The following CLYBL variants were observed in gnomAD, a reference collection of about 807,000 sequenced individuals.
CLYBL encodes citramalyl-CoA lyase.
In CLYBL, 31 loss-of-function variants were observed where a neutral mutation model predicts 38.9. The ratio of observed to expected loss-of-function variants is 0.80; its 90% CI spans 0.60 to 1.08. The LOEUF (loss-of-function observed/expected upper bound fraction) is 1.08, where lower values mean the gene tolerates loss of function less well. Among genes scored for constraint, CLYBL ranks in the 50% least tolerant of loss-of-function variants. CLYBL has a pLI of 0.00. For synonymous variants in CLYBL, 171 were observed against 158.6 expected (o/e 1.08, Z -0.59); for missense variants, 434 against 411.6 (o/e 1.05, Z -0.47).
At chr13:99,788,500 C>G (rs375453627) in intron 2 of CLYBL, among the ~76,000 whole-genome samples, 1 of 151,982 alleles carries the variant, frequency 6.6e-6, no homozygotes, top group Non-Finnish European at 1.5e-5. Flanking sequence ...GCTGGATTAC[C>G]TTTATTGATT....
At position 99,606,725 on chromosome 13, in the gene CLYBL, G is replaced by C. The variant is rs12873851; in HGVS notation, c.30G>C (p.Ala10=). 12 of 1,490,358 alleles carry C rather than the reference G, an allele frequency of 8.1e-6. No individual in the cohort carries two copies. Among genetic ancestry groups the C allele is most frequent in the Non-Finnish European group, 1.1e-5 (12 of 1,126,478 alleles). 92.3% of individuals were successfully genotyped at this position (1,490,358 alleles called of 1,614,324 possible). A position where few individuals can be genotyped will look rare whatever the true frequency, so the allele number is the denominator to read the frequency against. ...CGCTACGTCTGCTGCGGAGGGCGGC[G>C]CGCGGAGCTGCGGCGGCGGCGCTGC... MALRLLRRA[A]RGAAAAALLR... Residue 10 remains alanine (A), a synonymous_variant, in exon 1 of 9, where the codon GCG becomes GCC. Coordinates refer to ENST00000339105, the MANE Select transcript of CLYBL (RefSeq NM_206808.5).
chr13:99,865,324 T>G lies in CLYBL; in HGVS notation c.634+413T>G, dbSNP rs1234802446. The G allele has an allele frequency of 3.6e-6, 1 of 276,472 alleles. No individual in the cohort carries two copies. The highest frequency in any genetic ancestry group is 7.0e-6 in the Non-Finnish European group (1 of 142,152). 17.1% of individuals were successfully genotyped at this position (276,472 alleles called of 1,614,324 possible). On this transcript the variant is annotated intron_variant, in intron 5 of 8. Transcript: ENST00000339105. The surrounding 1 kb of genome is among the most constrained non-coding windows in gnomAD (Gnocchi z 4.7). ...ATTTAAGGCAATTTCACATTTGCCTTAATGAATTGTTTTCTACAGAATATG... is the reference window on the plus strand; with the variant it reads ...ATTTAAGGCAATTTCACATTTGCCTGAATGAATTGTTTTCTACAGAATATG...
intron 1 of CLYBL, among the ~76,000 whole-genome samples, chr13:99,618,199 T>C (rs2046742230): frequency 1.3e-5 from 2 of 152,200 alleles, no homozygotes; most frequent in Non-Finnish European, 2.9e-5. Context: ...GAATGAAATA[T>C]TTTGAGTGTT....
chr13:99,905,280 G>C (rs1594258412), exon 9 of CLYBL, among the ~76,000 whole-genome samples: 1 of 152,186 alleles, frequency 6.6e-6, no homozygotes, highest in African/African-American at 2.4e-5. Flanking sequence ...GGAATGCTGA[G>C]CTGCAATGAC....
chr13:99,655,678 CTG>C (rs2047320071), intron 1 of CLYBL, among the ~76,000 whole-genome samples: 1 of 152,198 alleles, frequency 6.6e-6, no homozygotes, highest in Admixed American at 6.5e-5. Flanking sequence ...GCCTGGGAAG[CTG>C]TGTGGGCCTT....
chr13:99,874,703 G>A (rs755691517), intron 7 of CLYBL, among the ~76,000 whole-genome samples: 2 of 152,022 alleles, frequency 1.3e-5, no homozygotes, highest in Non-Finnish European at 2.9e-5. Flanking sequence ...GTATGATAAC[G>A]TGTATTTCCT....
chr13:99,642,199 C>T (rs1174508485), intron 1 of CLYBL, among the ~76,000 whole-genome samples: 2 of 152,092 alleles, frequency 1.3e-5, no homozygotes, highest in Non-Finnish European at 2.9e-5. Flanking sequence ...TTGCAGGGGG[C>T]GGTGGCCTCA....
At chr13:99,808,036 C>A (rs2050265769) in intron 2 of CLYBL, among the ~76,000 whole-genome samples, 1 of 152,044 alleles carries the variant, frequency 6.6e-6, no homozygotes. Flanking sequence ...GTCATGGCAA[C>A]CTTGGGAAGG....
intron 1 of CLYBL, among the ~76,000 whole-genome samples, chr13:99,641,702 C>T (rs2047097239): frequency 6.6e-6 from 1 of 151,730 alleles, no homozygotes; most frequent in Non-Finnish European, 1.5e-5. Flanking sequence ...GTCCCAGCTA[C>T]TTGGGAGGCT....
intron 2 of CLYBL, among the ~76,000 whole-genome samples, chr13:99,811,275 C>G (rs942650955): frequency 3.9e-5 from 6 of 152,316 alleles, no homozygotes; most frequent in East Asian, 1.9e-4. Flanking sequence ...TAAGCAGGCT[C>G]TCCCTAGGAG....
intron 2 of CLYBL, among the ~76,000 whole-genome samples, chr13:99,823,925 T>G (rs1413269517): frequency 6.6e-6 from 1 of 152,254 alleles, no homozygotes; most frequent in East Asian, 1.9e-4. Flanking sequence ...GCCTGATTTC[T>G]GAGTCGGGTC....
At chr13:99,860,608 T>C (rs1346089359) in intron 3 of CLYBL, among the ~76,000 whole-genome samples, 1 of 152,218 alleles carries the variant, frequency 6.6e-6, no homozygotes, top group African/African-American at 2.4e-5. Flanking sequence ...TTATCACCGT[T>C]ATTACCTTTA....
At chr13:99,616,000 ATTT>A (rs1323253970) in intron 1 of CLYBL, among the ~76,000 whole-genome samples, 3 of 151,872 alleles carry the variant, frequency 2.0e-5, no homozygotes, top group Non-Finnish European at 4.4e-5. Context: ...CGCACAGCTA[ATTT>A]TTTTATTTTT....
At chr13:99,661,506 TA>T (rs1255634992) in intron 1 of CLYBL, among the ~76,000 whole-genome samples, 2 of 152,222 alleles carry the variant, frequency 1.3e-5, no homozygotes, top group Admixed American at 6.5e-5. Context: ...CCTGTATATT[TA>T]TTTTTTTATC....
At chr13:99,644,004 CAAAAAAAAAA>C (rs71118498) in intron 1 of CLYBL, among the ~76,000 whole-genome samples, 1 of 89,126 alleles carries the variant, frequency 1.1e-5, no homozygotes. Flanking sequence ...GACTCTGTCT[CAAAAAAAAAA>C]AAAAAAAAAA....
At chr13:99,675,026 C>T (rs940946058) in intron 1 of CLYBL, among the ~76,000 whole-genome samples, 6 of 152,136 alleles carry the variant, frequency 3.9e-5, no homozygotes, top group African/African-American at 1.4e-4. Flanking sequence ...GTCTGGGCAA[C>T]ATAGCCAGAC....
intron 2 of CLYBL, among the ~76,000 whole-genome samples, chr13:99,814,719 C>A (rs2050408528): frequency 1.4e-5 from 2 of 144,798 alleles, no homozygotes; most frequent in Non-Finnish European, 1.5e-5. Flanking sequence ...CAGAACAAGA[C>A]CCTGTCTCAG....
intron 1 of CLYBL, among the ~76,000 whole-genome samples, chr13:99,607,686 A>G (rs2139157517): frequency 6.6e-6 from 1 of 152,350 alleles, no homozygotes; most frequent in East Asian, 1.9e-4. Flanking sequence ...ATGACCAGTA[A>G]TGAGAGAGTT....
At chr13:99,662,397 T>C (rs886175411) in intron 1 of CLYBL, among the ~76,000 whole-genome samples, 6 of 152,218 alleles carry the variant, frequency 3.9e-5, no homozygotes, top group South Asian at 2.1e-4. Flanking sequence ...AGTATCTCTT[T>C]CCTGTAGTTA....
Sources: allele counts gnomAD v4.1 joint callset (sites outside exome capture counted in the v4.1 genomes callset), GRCh38; gene constraint gnomAD v4.1.1; non-coding constraint Gnocchi (gnomAD v3.1); transcripts MANE v1.5; gene names NCBI Gene and HGNC (gene_info 2026-07-23, HGNC 2026-07-21).